KLHL32: variants seen among roughly 807,000 people sequenced by gnomAD.
KLHL32 encodes kelch-like protein 32.
A neutral mutation model predicts 64.8 loss-of-function variants in KLHL32; 35 were observed. That is an observed-to-expected ratio of 0.54 (90% CI 0.41 to 0.72). The LOEUF (loss-of-function observed/expected upper bound fraction) is 0.72, where lower values mean the gene tolerates loss of function less well. Among genes scored for constraint, KLHL32 ranks in the 30% least tolerant of loss-of-function variants. The pLI is 0.00. For synonymous variants in KLHL32, 259 were observed against 281.0 expected (o/e 0.92, Z 0.78); for missense variants, 589 against 768.5 (o/e 0.77, Z 2.76).
At chr6:97,001,612 C>A (rs1779044051) in intron 3 of KLHL32, among the ~76,000 whole-genome samples, 1 of 152,160 alleles carries the variant, frequency 6.6e-6, no homozygotes, top group Non-Finnish European at 1.5e-5. Context: ...AGACCACAGG[C>A]ATGTGCCACC....
intron 1 of KLHL32, among the ~76,000 whole-genome samples, chr6:96,938,770 G>A (rs1429815587): frequency 6.6e-6 from 1 of 152,170 alleles, no homozygotes; most frequent in African/African-American, 2.4e-5. Context: ...CCCCAGTATT[G>A]TGCTCTGGGG....
chr6:97,005,075 C>T (rs553419395), intron 3 of KLHL32, among the ~76,000 whole-genome samples: 1 of 152,038 alleles, frequency 6.6e-6, no homozygotes, highest in Admixed American at 6.6e-5. Flanking sequence ...CTTTTTTGTA[C>T]ACCTGGTAGA....
At chr6:96,964,894 T>C (rs1030185306) in intron 1 of KLHL32, among the ~76,000 whole-genome samples, 2 of 152,206 alleles carry the variant, frequency 1.3e-5, no homozygotes, top group Non-Finnish European at 2.9e-5. Context: ...AGCATGTACA[T>C]GTGTAAGTTT....
intron 3 of KLHL32, among the ~76,000 whole-genome samples, chr6:97,019,944 G>A (rs1781759678): frequency 1.1e-5 from 1 of 92,712 alleles, no homozygotes; most frequent in Non-Finnish European, 1.9e-5. Context: ...CACTCCCGGC[G>A]AATTTTTTTT....
At chr6:96,957,304 G>A (rs1022526603) in intron 1 of KLHL32, among the ~76,000 whole-genome samples, 3 of 152,060 alleles carry the variant, frequency 2.0e-5, no homozygotes, top group Non-Finnish European at 4.4e-5. Context: ...TTTGCTAAAA[G>A]GCAAAAATTA....
intron 4 of KLHL32, among the ~76,000 whole-genome samples, chr6:97,055,385 C>T (rs1377223903): frequency 6.6e-6 from 1 of 152,166 alleles, no homozygotes; most frequent in Non-Finnish European, 1.5e-5. Context: ...AGACTAATCT[C>T]CCCCACGTAG....
chr6:97,122,296 G>A (rs763177623), intron 7 of KLHL32, among the ~76,000 whole-genome samples: 54 of 152,146 alleles, frequency 3.5e-4, no homozygotes, highest in Non-Finnish European at 4.9e-4. Flanking sequence ...CCCATCATCT[G>A]TGTGGGTTCC....
intron 3 of KLHL32, among the ~76,000 whole-genome samples, chr6:97,032,404 G>T (rs1783687217): frequency 6.6e-6 from 1 of 152,078 alleles, no homozygotes; most frequent in Non-Finnish European, 1.5e-5. Flanking sequence ...ATTATTTAAG[G>T]AATTGTGTTT....
rs762531912 is a variant in KLHL32 at position 97,134,004 on chromosome 6, CA to C, written c.1701+1266del. Among the ~76,000 whole-genome samples the C allele has an allele frequency of 2.9e-3, 437 of 148,896 alleles. 1 individual carries two copies. Among genetic ancestry groups the C allele is most frequent in the African/African-American group, 0.01 (407 of 40,610 alleles). Reference sequence around the variant, plus strand: ...ACAATGCAATTAAGTTAGAACTTAACAAAAAAAAACCCCTACATAACTGGAA... The same window carrying C: ...ACAATGCAATTAAGTTAGAACTTAACAAAAAAAACCCCTACATAACTGGAA... On this transcript the variant is annotated intron_variant, in intron 10 of 10. Coordinates refer to ENST00000369261, the MANE Select transcript of KLHL32 (RefSeq NM_052904.4).
upstream of KLHL32, among the ~76,000 whole-genome samples, chr6:96,919,641 A>G (rs1348960115): frequency 6.6e-6 from 1 of 152,178 alleles, no homozygotes; most frequent in African/African-American, 2.4e-5. Context: ...TAAAAGTGTT[A>G]TAATAGCCAC....
intron 5 of KLHL32, among the ~76,000 whole-genome samples, chr6:97,078,108 A>T (rs1258571798): frequency 1.3e-5 from 2 of 152,158 alleles, no homozygotes; most frequent in East Asian, 3.9e-4. Context: ...ACTTTGACTT[A>T]ACATTGTTAA....
intron 1 of KLHL32, among the ~76,000 whole-genome samples, chr6:96,966,276 G>T (rs1215973789): frequency 2.6e-5 from 4 of 152,194 alleles, no homozygotes; most frequent in Admixed American, 1.3e-4. Flanking sequence ...CCAGGACCCA[G>T]ACTATTCAAA....
Position 97,114,077 on chromosome 6 carries a change from C to G in KLHL32, c.922C>G (p.Arg308Gly). ...KREVCKVKEL[R>G]YFNPVDQENA... The stretch of plus-strand genomic sequence containing the variant: ...CGAGGTCTGCAAGGTCAAGGAACTT[C>G]GGTACTTCAATCCTGTTGATCAGGA... Residue 308 changes from arginine (R) to glycine (G), a missense_variant, in exon 7 of 11, where the codon CGG becomes GGG. Physicochemically the swap from Arg to Gly is moderately radical, Grantham distance 125. This residue lies in a region of KLHL32 where 226 missense variants were observed against 353.2 expected (regional missense o/e 0.64). Coordinates refer to ENST00000369261, the MANE Select transcript of KLHL32 (RefSeq NM_052904.4). 1 of 1,614,186 alleles carries G rather than the reference C, an allele frequency of 6.2e-7. No homozygotes were observed. The highest frequency in any genetic ancestry group is 8.5e-7 in the Non-Finnish European group (1 of 1,180,034).
chr6:97,120,426 A>T (rs1333380764), intron 7 of KLHL32, among the ~76,000 whole-genome samples: 1 of 152,194 alleles, frequency 6.6e-6, no homozygotes, highest in African/African-American at 2.4e-5. Context: ...AAAGAAAAAT[A>T]GGTGTTCAGA....
intron 5 of KLHL32, among the ~76,000 whole-genome samples, chr6:97,067,048 A>G (rs1789887207): frequency 6.6e-6 from 1 of 152,146 alleles, no homozygotes; most frequent in South Asian, 2.1e-4. Flanking sequence ...TTGTTCTTAA[A>G]ATGCCATTCT....
chr6:97,006,957 A>C (rs932995982), intron 3 of KLHL32, among the ~76,000 whole-genome samples: 1 of 152,038 alleles, frequency 6.6e-6, no homozygotes, highest in Non-Finnish European at 1.5e-5. Context: ...GAATCTGAGG[A>C]CTATGTGTCT....
intron 1 of KLHL32, among the ~76,000 whole-genome samples, chr6:96,934,352 G>A (rs1471004213): frequency 6.6e-6 from 1 of 152,206 alleles, no homozygotes; most frequent in Non-Finnish European, 1.5e-5. Flanking sequence ...GGTCTAGAGT[G>A]CAGTGAGCTG....
chr6:96,916,145 A>T, the KLHL32 span, among the ~76,000 whole-genome samples: 1 of 151,760 alleles, frequency 6.6e-6, no homozygotes, highest in South Asian at 2.1e-4. Context: ...ACAGGAATCG[A>T]AAGTGAGGTA....
intron 1 of KLHL32, among the ~76,000 whole-genome samples, chr6:96,928,746 A>G (rs757183949): frequency 6.6e-6 from 1 of 152,228 alleles, no homozygotes; most frequent in African/African-American, 2.4e-5. Flanking sequence ...GTGGGTAAAT[A>G]TATGGATTTT....
Sources: gnomAD v4.1 joint callset for allele counts (sites outside exome capture counted in the v4.1 genomes callset) on GRCh38, gnomAD v4.1.1 for gene constraint, gnomAD v4.1.1 regional missense constraint, MANE v1.5 for transcripts, NCBI Gene and HGNC (gene_info 2026-07-23, HGNC 2026-07-21) for gene names.